Variants in MAP2K1 observed in about 807,000 individuals in gnomAD.
MAP2K1 encodes the protein mitogen-activated protein kinase kinase 1.
Under a neutral mutation model 46.3 loss-of-function variants are expected in MAP2K1, and 16 were observed. That is an observed-to-expected ratio of 0.35 (90% CI 0.23 to 0.52). MAP2K1 has a LOEUF of 0.52. Ranked by LOEUF, MAP2K1 falls within the 20% of genes least tolerant of loss-of-function variation. The probability of loss-of-function intolerance (pLI) is 0.94; values close to 1 mark genes in which losing one functional copy is unlikely to be tolerated. For missense variants in MAP2K1, 263 were observed against 497.1 expected, an observed-to-expected ratio of 0.53 and a Z score of 4.48; for synonymous variants, 183 against 185.6, an observed-to-expected ratio of 0.99 and a Z score of 0.11.
At chr15:66,399,458 T>G (rs898441598) in intron 1 of MAP2K1, among the ~76,000 whole-genome samples, 4 of 152,108 alleles carry the variant, frequency 2.6e-5, no homozygotes, top group Admixed American at 6.5e-5. Context: ...ACCCCCTCTT[T>G]TTTTTTGAGA....
intron 3 of MAP2K1, among the ~76,000 whole-genome samples, chr15:66,437,965 G>A (rs907762116): frequency 6.6e-6 from 1 of 151,164 alleles, no homozygotes; most frequent in Admixed American, 6.6e-5. Context: ...TTTTCTGCTT[G>A]GGTCTTGGCT....
intron 10 of MAP2K1, chr15:66,490,043 G>A (rs544767713): frequency 3.0e-5 from 17 of 568,504 alleles, no homozygotes; most frequent in African/African-American, 2.4e-4. Context: ...ATGGGGATGC[G>A]GCCTTTCCCT....
intron 1 of MAP2K1, 65 bp downstream of exon 1, chr15:66,387,492 G>T (rs1595831383): frequency 6.8e-7 from 1 of 1,474,404 alleles, no homozygotes; most frequent in Non-Finnish European, 9.3e-7. Flanking sequence ...GGGAGCAGGA[G>T]CGCGCGCCAG....
intron 1 of MAP2K1, among the ~76,000 whole-genome samples, chr15:66,430,971 C>T (rs765360288): frequency 4.5e-4 from 68 of 152,206 alleles, no homozygotes; most frequent in Middle Eastern, 3.4e-3. Flanking sequence ...TTGTATTTAC[C>T]GTTAGACAGC....
chr15:66,481,659 C>A, intron 5 of MAP2K1, 96 bp from the exon 6 acceptor site: 1 of 1,426,982 alleles, frequency 7.0e-7, no homozygotes, highest in African/African-American at 1.4e-5. Context: ...GGTCCTGGGA[C>A]TCGTGGTCAG....
Position 66,489,651 on chromosome 15 carries a change from CA to C in MAP2K1, c.1023-64del, listed in dbSNP as rs1314934735. 8 of 1,216,844 alleles carry C rather than the reference CA, an allele frequency of 6.6e-6. No homozygotes were observed. In the East Asian group the frequency reaches 1.9e-4, roughly 28 times the overall value. The allele number at this position is 1,216,844 out of a possible 1,614,324, so 75.4% of individuals were successfully genotyped here. On this transcript the variant is annotated intron_variant, in intron 9 of 10. Coordinates refer to ENST00000307102, the MANE Select transcript of MAP2K1 (RefSeq NM_002755.4). ...CTAGTGTGCAGAGAAGACAGGCATG[CA>C]AACATGTTATTTGAGCTAGAACCAG...
At chr15:66,460,193 T>G (rs759462274) in intron 5 of MAP2K1, among the ~76,000 whole-genome samples, 7 of 152,202 alleles carry the variant, frequency 4.6e-5, no homozygotes, top group Non-Finnish European at 8.8e-5. Flanking sequence ...AGTGGCTCAT[T>G]AGTAGTGGAA....
At position 66,389,605 on chromosome 15, in the gene MAP2K1, C is replaced by A. The variant is rs570187612; in HGVS notation, c.80+2178C>A. On this transcript the variant is annotated intron_variant, in intron 1 of 10. Transcript: ENST00000307102. ...TTTTTTTTTTTTTTTTTGACAGTCTCGCTCTGTTGCCCAGGCCAGAGTGCA... is the reference window on the plus strand; with the variant it reads ...TTTTTTTTTTTTTTTTTGACAGTCTAGCTCTGTTGCCCAGGCCAGAGTGCA... Among the ~76,000 whole-genome samples the A allele has an allele frequency of 1.3e-3, 169 of 125,478 alleles. 1 individual carries two copies. The highest frequency in any genetic ancestry group is 5.2e-3 in the African/African-American group (168 of 32,514). The allele number at this position is 125,478 out of a possible 152,430, so 82.3% of individuals were successfully genotyped here.
At chr15:66,408,924 T>C (rs975379782) in intron 1 of MAP2K1, among the ~76,000 whole-genome samples, 2 of 152,156 alleles carry the variant, frequency 1.3e-5, no homozygotes, top group African/African-American at 4.8e-5. Flanking sequence ...CTTCAGTTAC[T>C]TATGTAATTG....
At chr15:66,449,003 C>CAAAAAAA (rs59398424) in intron 5 of MAP2K1, among the ~76,000 whole-genome samples, 62 of 47,714 alleles carry the variant, frequency 1.3e-3, no homozygotes, top group Non-Finnish European at 1.5e-3. Flanking sequence ...GACACTGTCT[C>CAAAAAAA]AAAAAAAAAA....
In MAP2K1 at chr15:66,429,672, C is replaced by G. The variant is rs941143003; in HGVS notation, c.81-5355C>G. On this transcript the variant is annotated intron_variant, in intron 1 of 10. Coordinates refer to ENST00000307102, the MANE Select transcript of MAP2K1 (RefSeq NM_002755.4). ...TGGGTCTGCACTGCGGCGCCCCCCC[C>G]CCCCCCGTCCCCCCCAACACAGATG... is the stretch of plus-strand genomic sequence containing the variant. 2.2e-4 allele frequency among the ~76,000 whole-genome samples: 8 copies of G among 36,428 alleles called. 1 individual carries two copies. Among genetic ancestry groups the G allele is most frequent in the East Asian group, 8.3e-4 (1 of 1,210 alleles). 23.9% of individuals were successfully genotyped at this position (36,428 alleles called of 152,430 possible).
intron 3 of MAP2K1, among the ~76,000 whole-genome samples, chr15:66,441,031 T>C (rs1389688254): frequency 2.0e-5 from 3 of 152,158 alleles, no homozygotes; most frequent in Admixed American, 1.3e-4. Flanking sequence ...GGCATGATCA[T>C]AGGTCACTAT....
chr15:66,441,686 T>C (rs574987747), intron 3 of MAP2K1, among the ~76,000 whole-genome samples: 1 of 151,694 alleles, frequency 6.6e-6, no homozygotes, highest in African/African-American at 2.4e-5. Context: ...TTACCTCTTA[T>C]GAATATATTC....
chr15:66,392,910 T>A (rs1041106578), intron 1 of MAP2K1, among the ~76,000 whole-genome samples: 1 of 152,206 alleles, frequency 6.6e-6, no homozygotes, highest in African/African-American at 2.4e-5. Flanking sequence ...CTATACAATA[T>A]GTGTCTAGTT....
intron 6 of MAP2K1, 35 bp from the exon 7 acceptor site, chr15:66,484,950 AGTTAG>A: frequency 6.4e-7 from 1 of 1,557,058 alleles, no homozygotes; most frequent in Non-Finnish European, 8.9e-7. Context: ...CAGGGGTCCA[AGTTAG>A]GTTAGGTGAT....
intron 8 of MAP2K1, among the ~76,000 whole-genome samples, chr15:66,487,800 C>T (rs1012145943): frequency 2.0e-5 from 3 of 151,998 alleles, no homozygotes; most frequent in Non-Finnish European, 4.4e-5. Flanking sequence ...AAAAAGCCAT[C>T]CATCCTCTAC....
At position 66,491,494 on chromosome 15, in the gene MAP2K1, C is replaced by T. The variant is rs912813559; in HGVS notation, c.*879C>T. The T allele has an allele frequency of 9.7e-6, 2 of 206,110 alleles. No homozygotes were observed. The highest frequency in any genetic ancestry group is 2.0e-5 in the Non-Finnish European group (2 of 101,238). 12.8% of individuals were successfully genotyped at this position (206,110 alleles called of 1,614,324 possible). ...AACCTAGATGTTTAACAAATCTAAT[C>T]TCTTATTCTAATAAATATACTATGA... On this transcript the variant is annotated 3_prime_UTR_variant, in exon 11 of 11. Coordinates refer to ENST00000307102, the MANE Select transcript of MAP2K1 (RefSeq NM_002755.4).
intron 1 of MAP2K1, among the ~76,000 whole-genome samples, chr15:66,393,031 A>G (rs1465537730): frequency 2.0e-5 from 3 of 152,160 alleles, no homozygotes; most frequent in Non-Finnish European, 4.4e-5. Context: ...TGCCTCAAAC[A>G]GTCATGACCA....
chr15:66,435,376 T>C, intron 2 of MAP2K1, 139 bp downstream of exon 2: 1 of 670,636 alleles, frequency 1.5e-6, no homozygotes, highest in Non-Finnish European at 2.5e-6. Flanking sequence ...TAAGACGGAG[T>C]TTCATTCTTG....
Sources: gnomAD v4.1 joint callset for allele counts (sites outside exome capture counted in the v4.1 genomes callset) on GRCh38, gnomAD v4.1.1 for gene constraint, MANE v1.5 for transcripts, NCBI Gene and HGNC (gene_info 2026-07-23, HGNC 2026-07-21) for gene names.